The following KPNB1 variants were observed in gnomAD, a reference collection of about 807,000 sequenced individuals.
The protein encoded by KPNB1 is importin subunit beta-1.
KPNB1 carries 7 observed loss-of-function variants against 113.0 expected under a neutral mutation model. That is an observed-to-expected ratio of 0.06 (90% CI 0.04 to 0.12). The LOEUF is 0.12. Among genes scored for constraint, KPNB1 ranks in the 10% least tolerant of loss-of-function variants. KPNB1 has a pLI of 1.00. For synonymous variants in KPNB1, 363 were observed against 378.6 expected (o/e 0.96, Z 0.48); for missense variants, 400 against 1,054.8 (o/e 0.38, Z 8.60).
At chr17:47,671,507 A>G (rs1014021345) in intron 12 of KPNB1, among the ~76,000 whole-genome samples, 1 of 150,798 alleles carries the variant, frequency 6.6e-6, no homozygotes, top group Non-Finnish European at 1.5e-5. Context: ...CACCAAATCA[A>G]TAACTACCAT....
intron 9 of KPNB1, 73 bp from the exon 10 acceptor site, chr17:47,668,113 G>C: frequency 1.7e-6 from 2 of 1,147,090 alleles, no homozygotes; most frequent in Non-Finnish European, 2.6e-6. Context: ...ACATTCAAGA[G>C]TAGTCAGAGG....
chr17:47,656,216 G>A lies in KPNB1; in HGVS notation c.283-644G>A, dbSNP rs958819684. On this transcript the variant is annotated intron_variant, in intron 3 of 21. Coordinates refer to ENST00000290158, the MANE Select transcript of KPNB1 (RefSeq NM_002265.6). Reference sequence around the variant, plus strand: ...GGAGGTTGCAGTGAGCCGAGATCGCGCCATCATGCTCCAGCCTGGGGGACA... The same window carrying A: ...GGAGGTTGCAGTGAGCCGAGATCGCACCATCATGCTCCAGCCTGGGGGACA... 7.9e-5 allele frequency among the ~76,000 whole-genome samples: 12 copies of A among 151,694 alleles called. No homozygotes were observed. In the South Asian group the frequency reaches 1.7e-3, roughly 21 times the overall value.
rs549910289 is a variant in KPNB1 at position 47,671,126 on chromosome 17, G to A, written c.1547+294G>A. Among the ~76,000 whole-genome samples, 18 of 152,312 alleles carry A rather than the reference G, an allele frequency of 1.2e-4. No homozygotes were observed. In the South Asian group the frequency reaches 3.7e-3, roughly 32 times the overall value. On this transcript the variant is annotated intron_variant, in intron 12 of 21. Transcript: ENST00000290158. ...CAAAAAATTAGCCGGGCGTGCTGGCGCATGCCTGTAGTCCTAGCTACTTGG... is the reference window on the plus strand; with the variant it reads ...CAAAAAATTAGCCGGGCGTGCTGGCACATGCCTGTAGTCCTAGCTACTTGG...
chr17:47,670,641 T>C, intron 11 of KPNB1, 61 bp from the exon 12 acceptor site: 1 of 1,450,394 alleles, frequency 6.9e-7, no homozygotes, highest in East Asian at 2.3e-5. Context: ...TAATGAAAAA[T>C]GAGATAATCC....
At chr17:47,665,320 T>C (rs1031849580) in intron 9 of KPNB1, among the ~76,000 whole-genome samples, 162 bp downstream of exon 9, 6 of 152,232 alleles carry the variant, frequency 3.9e-5, no homozygotes, top group Admixed American at 1.3e-4. Context: ...TCCCCTAGGC[T>C]CTGACTTCTT....
intron 19 of KPNB1, chr17:47,678,633 A>C (rs1319760539): frequency 2.4e-5 from 12 of 499,454 alleles, no homozygotes; most frequent in Non-Finnish European, 3.6e-5. Context: ...TTTGAGACGG[A>C]GTCTCACTCT....
rs764593637 is a variant in KPNB1 at position 47,652,659 on chromosome 17, A to G, written c.100-35A>G. ...ATCCTCAGTTGTGGAAATTCCTAAGATATTTTTATTTACAAATTTATCTTC... is the reference window on the plus strand; with the variant it reads ...ATCCTCAGTTGTGGAAATTCCTAAGGTATTTTTATTTACAAATTTATCTTC... On this transcript the variant is annotated intron_variant, in intron 2 of 21. Coordinates refer to ENST00000290158, the MANE Select transcript of KPNB1 (RefSeq NM_002265.6). The G allele has an allele frequency of 4.7e-6, 7 of 1,481,782 alleles. No homozygotes were observed. In the East Asian group the frequency reaches 7.2e-5, roughly 15 times the overall value. The allele number at this position is 1,481,782 out of a possible 1,614,324, so 91.8% of individuals were successfully genotyped here.
Position 47,658,804 on chromosome 17 carries a change from G to A in KPNB1, c.636+144G>A, listed in dbSNP as rs575165866. The A allele has an allele frequency of 2.0e-4, 133 of 669,414 alleles. 1 individual carries two copies. The Middle Eastern group carries it at 2.5e-3, about 13-fold the overall frequency. 41.5% of individuals were successfully genotyped at this position (669,414 alleles called of 1,614,324 possible). On this transcript the variant is annotated intron_variant, in intron 5 of 21. Transcript: ENST00000290158. ...ATTTGTTTCCAGTTTAGTCGAGTTC[G>A]TATTGTGTGAGATATCCCCATGGAG...
At chr17:47,669,991 T>G (rs1365104432) in intron 11 of KPNB1, 122 bp downstream of exon 11, 5 of 741,284 alleles carry the variant, frequency 6.7e-6, no homozygotes, top group Non-Finnish European at 8.9e-6. Context: ...TCTTTCTAAT[T>G]TATTCAATTA....
intron 6 of KPNB1, among the ~76,000 whole-genome samples, chr17:47,662,780 G>A (rs2030146362): frequency 6.6e-6 from 1 of 152,056 alleles, no homozygotes; most frequent in Non-Finnish European, 1.5e-5. Flanking sequence ...CTACTTGGAA[G>A]GCTGAGGCAC....
Position 47,650,339 on chromosome 17 carries a change from G to A in KPNB1, c.41-47G>A. The A allele has an allele frequency of 3.1e-6, 5 of 1,610,774 alleles. No homozygotes were observed. In the South Asian group the frequency reaches 5.5e-5, roughly 18 times the overall value. ...AGGTGATTGGGGTGGGGGAGGGGAG[G>A]CCCGGCCCCTCTGACCCCGCTCCGT... On this transcript the variant is annotated intron_variant, in intron 1 of 21. Coordinates refer to ENST00000290158, the MANE Select transcript of KPNB1 (RefSeq NM_002265.6).
intron 3 of KPNB1, among the ~76,000 whole-genome samples, chr17:47,655,560 T>G (rs1915694868): frequency 6.6e-6 from 1 of 151,958 alleles, no homozygotes. Flanking sequence ...GCTGAGTTGT[T>G]AGTGATTAGA....
chr17:47,681,056 TG>T (rs889317597), intron 21 of KPNB1, among the ~76,000 whole-genome samples: 187 of 119,006 alleles, frequency 1.6e-3, no homozygotes, highest in South Asian at 4.9e-3. Context: ...AATGTTTTTT[TG>T]TGTGTGTGTG....
intron 9 of KPNB1, among the ~76,000 whole-genome samples, chr17:47,666,434 T>C (rs1220197664): frequency 6.9e-6 from 1 of 144,378 alleles, no homozygotes. Context: ...TTTATATATA[T>C]ATTATATATT....
intron 6 of KPNB1, 23 bp from the exon 7 acceptor site, chr17:47,663,066 A>C (rs372353527): frequency 4.7e-6 from 6 of 1,280,296 alleles, no homozygotes; most frequent in Non-Finnish European, 6.9e-6. Context: ...TTAGTAAACT[A>C]TCTGATCTGC....
intron 12 of KPNB1, among the ~76,000 whole-genome samples, chr17:47,672,540 G>T (rs2030482661): frequency 1.3e-5 from 2 of 151,772 alleles, no homozygotes; most frequent in Non-Finnish European, 2.9e-5. Flanking sequence ...ACAGGCACAA[G>T]CCACTACACC....
intron 12 of KPNB1, among the ~76,000 whole-genome samples, chr17:47,672,478 C>T (rs1216397247): frequency 6.6e-6 from 1 of 151,880 alleles, no homozygotes; most frequent in Non-Finnish European, 1.5e-5. Flanking sequence ...GCAACCTCCA[C>T]CTCCCAGGTT....
chr17:47,667,350 G>A (rs1259788252), intron 9 of KPNB1, among the ~76,000 whole-genome samples: 1 of 150,608 alleles, frequency 6.6e-6, no homozygotes, highest in African/African-American at 2.4e-5. Flanking sequence ...TGGTCTCGAA[G>A]TCCTGACCTC....
At chr17:47,671,486 TTTGA>T (rs1158637975) in intron 12 of KPNB1, among the ~76,000 whole-genome samples, 4 of 152,252 alleles carry the variant, frequency 2.6e-5, no homozygotes, top group African/African-American at 9.6e-5. Flanking sequence ...TCATTATGAA[TTTGA>T]TTGCCACACC....
Sources: gnomAD v4.1 joint callset for allele counts (sites outside exome capture counted in the v4.1 genomes callset) on GRCh38, gnomAD v4.1.1 for gene constraint, MANE v1.5 for transcripts, NCBI Gene and HGNC (gene_info 2026-07-23, HGNC 2026-07-21) for gene names.